The following MAP2K7 variants were observed in gnomAD, a reference collection of about 807,000 sequenced individuals.
The protein encoded by MAP2K7 is mitogen-activated protein kinase kinase 7, also known as dual specificity mitogen-activated protein kinase kinase 7.
MAP2K7 carries 12 observed loss-of-function variants against 47.7 expected under a neutral mutation model. The observed-to-expected ratio is 0.25, with a 90% CI of 0.16 to 0.41. The LOEUF (loss-of-function observed/expected upper bound fraction) is 0.41. Ranked by LOEUF, MAP2K7 falls within the 10% of genes least tolerant of loss-of-function variation. MAP2K7 has a pLI of 1.00. For synonymous variants in MAP2K7, 299 were observed against 243.0 expected (o/e 1.23, Z -2.14); for missense variants, 415 against 600.3 (o/e 0.69, Z 3.23).
chr19:7,904,349 G>A, intron 1 of MAP2K7: 1 of 227,600 alleles, frequency 4.4e-6, no homozygotes, highest in Admixed American at 5.9e-5. Context: ...GATCCTCTGG[G>A]TCGGGCTTCC....
chr19:7,904,461 G>T (rs555391218), intron 1 of MAP2K7: 32 of 376,974 alleles, frequency 8.5e-5, no homozygotes, highest in African/African-American at 6.2e-4. Flanking sequence ...GGACTGTCTG[G>T]CGCCCCCCTC....
intron 2 of MAP2K7, 78 bp from the exon 3 acceptor site, chr19:7,909,985 G>A: frequency 1.3e-6 from 2 of 1,512,652 alleles, no homozygotes; most frequent in Non-Finnish European, 1.8e-6. Context: ...AAACCGGTGG[G>A]AACCCCGGTA....
chr19:7,905,978 ACT>A, intron 1 of MAP2K7: 1 of 827,212 alleles, frequency 1.2e-6, no homozygotes, highest in Non-Finnish European at 2.0e-6. Flanking sequence ...CCTTCCCCTC[ACT>A]CTCACTTTCT....
At chr19:7,912,094 G>A in intron 9 of MAP2K7, 55 bp from the exon 10 acceptor site, 2 of 1,558,752 alleles carry the variant, frequency 1.3e-6, no homozygotes, top group Non-Finnish European at 1.8e-6. Flanking sequence ...CAGGGGTGGG[G>A]CCGGCATCCC....
rs1036744847 is a variant in MAP2K7 at position 7,914,248 on chromosome 19, C to G, written c.*1817C>G. ...GTTAAGTGGGGAGCCCTGGGGGAGTCTCTCCTGCCTCCCAGCCTCTCCCAA... is the reference window on the plus strand; with the variant it reads ...GTTAAGTGGGGAGCCCTGGGGGAGTGTCTCCTGCCTCCCAGCCTCTCCCAA... On this transcript the variant is annotated 3_prime_UTR_variant, in exon 11 of 11. Transcript: ENST00000397979. The G allele has an allele frequency of 1.3e-5, 2 of 152,434 alleles. No homozygotes were observed. Among genetic ancestry groups the G allele is most frequent in the East Asian group, 3.9e-4 (2 of 5,168 alleles). 9.4% of individuals were successfully genotyped at this position (152,434 alleles called of 1,614,324 possible).
rs1982756721 is a variant in MAP2K7, at chr19:7,910,468, G to A, written c.463G>A (p.Gly155Arg). The A allele has an allele frequency of 1.2e-6, 2 of 1,609,298 alleles. No individual in the cohort carries two copies. The highest frequency in any genetic ancestry group is 1.7e-6 in the Non-Finnish European group (2 of 1,178,046). ...GCCTGTGCAGCAAATGCGGCGCTCC[G>A]GGAACAAGGAGGAGAACAAGCGCAT... ...VIAVKQMRRS[G>R]NKEENKRILM... The change falls in exon 5 of 11, where the codon GGG (glycine) becomes AGG (arginine). Residue 155 changes from glycine to arginine, a missense_variant. This residue lies in a region of MAP2K7 where 206 missense variants were observed against 368.8 expected (regional missense o/e 0.56). Transcript: ENST00000397979.
intron 1 of MAP2K7, chr19:7,905,793 C>A: frequency 6.2e-7 from 1 of 1,609,030 alleles, no homozygotes; most frequent in Non-Finnish European, 8.5e-7. Flanking sequence ...TTTTTTCTTC[C>A]TTTTCCCCAT....
At chr19:7,908,639 T>G (rs1982614436) in intron 1 of MAP2K7, among the ~76,000 whole-genome samples, 1 of 151,676 alleles carries the variant, frequency 6.6e-6, no homozygotes, top group Non-Finnish European at 1.5e-5. Flanking sequence ...AGGCCCCAGC[T>G]CCTGTGGGAG....
intron 1 of MAP2K7, among the ~76,000 whole-genome samples, chr19:7,908,710 T>C (rs974131260): frequency 2.0e-5 from 3 of 152,034 alleles, no homozygotes; most frequent in African/African-American, 4.8e-5. Context: ...CGTGTCAGGA[T>C]TGGCTCCTCT....
At chr19:7,907,155 A>C (rs1353174962) in intron 1 of MAP2K7, 1 of 152,166 alleles carries the variant, frequency 6.6e-6, no homozygotes, top group Admixed American at 6.5e-5. Context: ...AAAAAAAAAA[A>C]ATTTAAAAAG....
chr19:7,910,707 C>T lies in MAP2K7; in HGVS notation c.579C>T (p.Phe193=), dbSNP rs1982779907. The T allele has an allele frequency of 1.9e-6, 3 of 1,609,804 alleles. No homozygotes were observed. Among genetic ancestry groups the T allele is most frequent in the African/African-American group, 1.3e-5 (1 of 74,832 alleles). ...FGTFITNTDV[F]IAMELMGTCA... is the part of the protein sequence containing the mutation. ...CCCTCTCCCTGCAGACGGACGTCTT[C>T]ATCGCCATGGAGCTCATGGGCACCT... is the stretch of plus-strand genomic sequence containing the variant. The change falls in exon 6 of 11, where the codon TTC becomes TTT. Residue 193 remains phenylalanine (F), a synonymous_variant. Transcript: ENST00000397979.
rs765198147 is a variant in MAP2K7 at position 7,910,376 on chromosome 19, G to C, written c.447+3G>C. 6.2e-7 allele frequency: 1 copy of C among 1,611,434 alleles called. No individual in the cohort carries two copies. The highest frequency in any genetic ancestry group is 1.1e-5 in the South Asian group (1 of 90,746). ...CCGGCCACGTCATTGCCGTTAAGGT[G>C]AGCCTTGGCGGCTACCCCGGCTGCG... On this transcript the variant is annotated splice_donor_region_variant and intron_variant, in intron 4 of 10. Coordinates refer to ENST00000397979, the MANE Select transcript of MAP2K7 (RefSeq NM_145185.4).
In MAP2K7 at chr19:7,912,700, C is replaced by A. The variant is rs951244453; in HGVS notation, c.*269C>A. The A allele has an allele frequency of 1.9e-6, 1 of 521,900 alleles. No individual in the cohort carries two copies. The highest frequency in any genetic ancestry group is 1.9e-5 in the African/African-American group (1 of 52,144). 32.3% of individuals were successfully genotyped at this position (521,900 alleles called of 1,614,324 possible). On this transcript the variant is annotated 3_prime_UTR_variant, in exon 11 of 11. Coordinates refer to ENST00000397979, the MANE Select transcript of MAP2K7 (RefSeq NM_145185.4). Reference sequence around the variant, plus strand: ...GCAGGCCGCGATCAGAGTCGCTGTTCATTCAGCCGCAGCCTCTGGGCCGGG... The same window carrying A: ...GCAGGCCGCGATCAGAGTCGCTGTTAATTCAGCCGCAGCCTCTGGGCCGGG...
intron 8 of MAP2K7, 22 bp from the exon 9 acceptor site, chr19:7,911,414 G>T (rs1355596260): frequency 1.2e-6 from 2 of 1,613,202 alleles, no homozygotes; most frequent in Non-Finnish European, 1.7e-6. Flanking sequence ...AACCTGTCCA[G>T]CCCTGCCCGT....
chr19:7,905,773 G>A lies in MAP2K7; in HGVS notation c.124+1705G>A, dbSNP rs781578476. On this transcript the variant is annotated intron_variant, in intron 1 of 10. Coordinates refer to ENST00000397979, the MANE Select transcript of MAP2K7 (RefSeq NM_145185.4). ...TCAGTCGTTTCTGTTGTGATTTATCGTGGTGTTGTTTTTTTCTTCCTTTTC... is the reference window on the plus strand; with the variant it reads ...TCAGTCGTTTCTGTTGTGATTTATCATGGTGTTGTTTTTTTCTTCCTTTTC... 1.7e-5 allele frequency: 26 copies of A among 1,549,486 alleles called. No individual in the cohort carries two copies. The Admixed American group carries it at 2.3e-4, about 14-fold the overall frequency.
chr19:7,911,191 T>TG (rs771496123), intron 7 of MAP2K7, 32 bp downstream of exon 7: 20 of 1,534,228 alleles, frequency 1.3e-5, no homozygotes, highest in Non-Finnish European at 1.8e-5. Context: ...GGGGAGGGGG[T>TG]GGGGGCTGGG....
At chr19:7,905,834 C>G in intron 1 of MAP2K7, 1 of 1,611,792 alleles carries the variant, frequency 6.2e-7, no homozygotes, top group Non-Finnish European at 8.5e-7. Flanking sequence ...AAGCCCTGCT[C>G]CTGCCCCGTC....
chr19:7,905,806 A>G, intron 1 of MAP2K7: 2 of 1,611,460 alleles, frequency 1.2e-6, no homozygotes, highest in Non-Finnish European at 1.7e-6. Flanking sequence ...TTCCCCATCC[A>G]GTTATTGTGA....
Position 7,911,236 on chromosome 19 carries a change from T to TG in MAP2K7, c.856-14_856-13insG. ...CCAGCCTTGGAGATACGTCTTCTCCTCCCCCCCCTGCAGCCCGAGCGCATT... is the reference window on the plus strand; with the variant it reads ...CCAGCCTTGGAGATACGTCTTCTCCTGCCCCCCCCTGCAGCCCGAGCGCATT... On this transcript the variant is annotated splice_polypyrimidine_tract_variant and intron_variant, in intron 7 of 10. Coordinates refer to ENST00000397979, the MANE Select transcript of MAP2K7 (RefSeq NM_145185.4). The TG allele has an allele frequency of 6.3e-7, 1 of 1,577,400 alleles. No individual in the cohort carries two copies. Among genetic ancestry groups the TG allele is most frequent in the Admixed American group, 1.7e-5 (1 of 59,166 alleles).
Sources: allele counts gnomAD v4.1 joint callset (sites outside exome capture counted in the v4.1 genomes callset), GRCh38; gene constraint gnomAD v4.1.1; regional missense constraint gnomAD v4.1.1; transcripts MANE v1.5; gene names NCBI Gene and HGNC (gene_info 2026-07-23, HGNC 2026-07-21).